Variants in PRKD1 observed in about 807,000 individuals in gnomAD.
The protein encoded by PRKD1 is protein kinase D1.
PRKD1 carries 63 observed loss-of-function variants against 95.9 expected under a neutral mutation model. That is an observed-to-expected ratio of 0.66 (90% CI 0.54 to 0.81). The LOEUF (loss-of-function observed/expected upper bound fraction) is 0.81. Among genes scored for constraint, PRKD1 ranks in the 30% least tolerant of loss-of-function variants. The probability of loss-of-function intolerance (pLI) is 0.00; values close to 1 mark genes in which losing one functional copy is unlikely to be tolerated. For synonymous variants in PRKD1, 425 were observed against 423.1 expected, an observed-to-expected ratio of 1.00 and a Z score of -0.05; for missense variants, 1,048 against 1,165.3, an observed-to-expected ratio of 0.90 and a Z score of 1.47.
intron 1 of PRKD1, among the ~76,000 whole-genome samples, chr14:29,883,417 AGAG>A (rs1289994620): frequency 6.6e-6 from 1 of 152,212 alleles, no homozygotes; most frequent in East Asian, 1.9e-4. Flanking sequence ...TTTACAGAAA[AGAG>A]AAGTATTTTA....
At chr14:29,656,473 T>C (rs1202969496) in intron 4 of PRKD1, 1 of 1,535,036 alleles carries the variant, frequency 6.5e-7, no homozygotes, top group South Asian at 1.2e-5. Context: ...CATTAGTACC[T>C]ACCTCAAAGC....
chr14:29,778,665 A>C (rs1888889320), intron 1 of PRKD1, among the ~76,000 whole-genome samples: 1 of 152,144 alleles, frequency 6.6e-6, no homozygotes, highest in Admixed American at 6.6e-5. Context: ...CATCCAAAAA[A>C]CGTCCAGGAC....
At chr14:29,754,714 TA>T (rs973661417) in intron 1 of PRKD1, among the ~76,000 whole-genome samples, 1 of 152,090 alleles carries the variant, frequency 6.6e-6, no homozygotes, top group African/African-American at 2.4e-5. Context: ...AACACTATTT[TA>T]AAAAAGTTTA....
intron 1 of PRKD1, among the ~76,000 whole-genome samples, chr14:29,750,866 T>C (rs1391452993): frequency 6.6e-6 from 1 of 152,188 alleles, no homozygotes; most frequent in East Asian, 1.9e-4. Flanking sequence ...AAATGAAGCA[T>C]AGGAGATATT....
chr14:29,918,664 T>G (rs1437511497), intron 1 of PRKD1, among the ~76,000 whole-genome samples: 1 of 152,214 alleles, frequency 6.6e-6, no homozygotes, highest in East Asian at 1.9e-4. Context: ...CAAGACATTG[T>G]GTGAAATAAT....
At chr14:29,615,261 A>AT (rs1216670869) in intron 13 of PRKD1, among the ~76,000 whole-genome samples, 1 of 152,194 alleles carries the variant, frequency 6.6e-6, no homozygotes, top group Admixed American at 6.5e-5. Context: ...AAGGAGTGAT[A>AT]TGACAGCTTT....
chr14:29,812,466 G>A (rs183935374), intron 1 of PRKD1, among the ~76,000 whole-genome samples: 7 of 152,222 alleles, frequency 4.6e-5, no homozygotes, highest in Middle Eastern at 3.4e-3. Context: ...GTATTAGTTC[G>A]TTTTCACACT....
chr14:29,865,916 T>A (rs1892883248), intron 1 of PRKD1, among the ~76,000 whole-genome samples: 1 of 152,184 alleles, frequency 6.6e-6, no homozygotes, highest in African/African-American at 2.4e-5. Context: ...TCCATACATC[T>A]GGGATACAAT....
At chr14:29,845,840 T>C (rs1892058266) in intron 1 of PRKD1, among the ~76,000 whole-genome samples, 1 of 152,162 alleles carries the variant, frequency 6.6e-6, no homozygotes, top group African/African-American at 2.4e-5. Context: ...TAAATATTTA[T>C]TATGGAACAG....
At chr14:29,626,624 T>C in intron 11 of PRKD1, 68 bp from the exon 12 acceptor site, 1 of 874,056 alleles carries the variant, frequency 1.1e-6, no homozygotes, top group South Asian at 2.6e-5. Context: ...AAAATTAATA[T>C]AATTCTATTA....
chr14:29,808,335 A>G (rs1163692420), intron 1 of PRKD1, among the ~76,000 whole-genome samples: 3 of 125,964 alleles, frequency 2.4e-5, no homozygotes, highest in Non-Finnish European at 4.7e-5. Context: ...AAGTTTAATC[A>G]TTAGATTGCA....
chr14:29,861,622 A>G (rs943724341), intron 1 of PRKD1, among the ~76,000 whole-genome samples: 1 of 152,092 alleles, frequency 6.6e-6, no homozygotes, highest in African/African-American at 2.4e-5. Flanking sequence ...CTGTCATGCT[A>G]TCAAATACTA....
intron 1 of PRKD1, among the ~76,000 whole-genome samples, chr14:29,860,390 G>A (rs1892665600): frequency 6.6e-6 from 1 of 152,180 alleles, no homozygotes. Flanking sequence ...TCTTCTTAAT[G>A]TAAGGCAAGA....
chr14:29,701,006 A>ACACC (rs1555337080), intron 2 of PRKD1, among the ~76,000 whole-genome samples: 8 of 50,688 alleles, frequency 1.6e-4, no homozygotes, highest in African/African-American at 8.5e-4. Context: ...ACACACACAC[A>ACACC]CCCTGTTGTG....
intron 1 of PRKD1, among the ~76,000 whole-genome samples, chr14:29,910,738 G>T (rs1894679001): frequency 6.6e-6 from 1 of 152,198 alleles, no homozygotes; most frequent in African/African-American, 2.4e-5. Context: ...ATCCAGGGAT[G>T]TGGGATACAC....
chr14:29,680,351 G>A (rs1218997077), intron 2 of PRKD1, among the ~76,000 whole-genome samples: 1 of 152,164 alleles, frequency 6.6e-6, no homozygotes, highest in Admixed American at 6.5e-5. Context: ...AGTGTCTAGT[G>A]AGTATTGTTT....
Position 29,626,576 on chromosome 14 carries a change from GAA to G in PRKD1, c.1726-22_1726-21del. ...GATGTCCTAGAGGTACAAGCCCAAT[GAA>G]AAAAAAACATGAAGCAGAACAAAAC... On this transcript the variant is annotated intron_variant, in intron 11 of 17. Coordinates refer to ENST00000331968, the MANE Select transcript of PRKD1 (RefSeq NM_002742.3). 6.8e-7 allele frequency: 1 copy of G among 1,480,438 alleles called. No individual in the cohort carries two copies. Among genetic ancestry groups the G allele is most frequent in the Non-Finnish European group, 9.1e-7 (1 of 1,103,150 alleles). The allele number at this position is 1,480,438 out of a possible 1,614,324, so 91.7% of individuals were successfully genotyped here.
chr14:29,638,953 A>G (rs765489000), intron 4 of PRKD1, 49 bp from the exon 5 acceptor site: 68 of 1,312,734 alleles, frequency 5.2e-5, no homozygotes, highest in Non-Finnish European at 6.0e-5. Flanking sequence ...AGGCTATTTG[A>G]TTTATATATT....
intron 2 of PRKD1, among the ~76,000 whole-genome samples, chr14:29,687,283 G>T (rs1174709247): frequency 2.6e-5 from 4 of 152,226 alleles, no homozygotes; most frequent in Non-Finnish European, 5.9e-5. Context: ...AGTGCTTGCG[G>T]TAATTCTACC....
Sources: allele counts gnomAD v4.1 joint callset (sites outside exome capture counted in the v4.1 genomes callset), GRCh38; gene constraint gnomAD v4.1.1; transcripts MANE v1.5; gene names NCBI Gene and HGNC (gene_info 2026-07-23, HGNC 2026-07-21).